The following YTHDF2 variants were observed in gnomAD, a reference collection of about 807,000 sequenced individuals.
YTHDF2 encodes the protein YTH N6-methyladenosine RNA binding protein F2.
Under a neutral mutation model 50.4 loss-of-function variants are expected in YTHDF2, and 2 were observed. The ratio of observed to expected loss-of-function variants is 0.04; its 90% CI spans 0.02 to 0.12. The LOEUF is 0.12. YTHDF2 is among the 10% of genes least tolerant of loss of function. The probability of loss-of-function intolerance (pLI) is 1.00; values close to 1 mark genes in which losing one functional copy is unlikely to be tolerated. For missense variants in YTHDF2, 483 were observed against 722.6 expected, an observed-to-expected ratio of 0.67 and a Z score of 3.80; for synonymous variants, 217 against 255.6, an observed-to-expected ratio of 0.85 and a Z score of 1.44.
intron 4 of YTHDF2, among the ~76,000 whole-genome samples, chr1:28,766,356 A>G (rs999232155): frequency 2.0e-5 from 3 of 152,082 alleles, no homozygotes; most frequent in Admixed American, 6.6e-5. Flanking sequence ...TGCTCAAGCT[A>G]TCTGCCAGCT....
chr1:28,750,560 A>AT (rs2087935710), intron 4 of YTHDF2, among the ~76,000 whole-genome samples: 1 of 152,134 alleles, frequency 6.6e-6, no homozygotes, highest in Non-Finnish European at 1.5e-5. Context: ...GTGAAGATGA[A>AT]TTTGTCCTTT....
chr1:28,747,584 ACTCTGTCGC>A (rs1224715093), intron 4 of YTHDF2, among the ~76,000 whole-genome samples: 4 of 137,710 alleles, frequency 2.9e-5, no homozygotes, highest in African/African-American at 1.1e-4. Flanking sequence ...GACGAATCTC[ACTCTGTCGC>A]CCAGGCTGGA....
In YTHDF2 at chr1:28,742,669, A is replaced by G. The variant is rs371160991; in HGVS notation, c.399A>G (p.Ala133=). 44 of 1,614,048 alleles carry G rather than the reference A, an allele frequency of 2.7e-5. No individual in the cohort carries two copies. Among genetic ancestry groups the G allele is most frequent in the Non-Finnish European group, 3.6e-5 (43 of 1,180,036 alleles). ...TTCCCAGTGGGATTGACTTCTCAGC[A>G]TGGGGAAATAACAGTTCTCAGGGAC... is the stretch of plus-strand genomic sequence containing the variant. ...NFFPSGIDFS[A]WGNNSSQGQS... Residue 133 remains alanine (A), a synonymous_variant, in exon 4 of 5, where the codon GCA becomes GCG. Coordinates refer to ENST00000373812, the MANE Select transcript of YTHDF2 (RefSeq NM_016258.3).
chr1:28,745,155 C>T (rs908530935), intron 4 of YTHDF2, among the ~76,000 whole-genome samples: 3 of 152,146 alleles, frequency 2.0e-5, no homozygotes, highest in African/African-American at 7.2e-5. Context: ...GATCTAGGAT[C>T]TGAGGCATTG....
At chr1:28,767,759 C>T (rs1200631989) in intron 4 of YTHDF2, among the ~76,000 whole-genome samples, 6 of 149,932 alleles carry the variant, frequency 4.0e-5, no homozygotes, top group African/African-American at 7.3e-5. Context: ...CCGCCCGCCT[C>T]GGCCTCCCAA....
At chr1:28,753,701 A>G (rs950668628) in intron 4 of YTHDF2, among the ~76,000 whole-genome samples, 1 of 144,846 alleles carries the variant, frequency 6.9e-6, no homozygotes. Flanking sequence ...TCAGGATTTT[A>G]TTCTTTTTTT....
upstream of YTHDF2, chr1:28,736,814 G>A (rs978893449): frequency 4.7e-5 from 18 of 379,230 alleles, no homozygotes; most frequent in Non-Finnish European, 7.2e-5. Flanking sequence ...GCGTGGGTGA[G>A]TGAATGTGAG....
At chr1:28,750,727 A>G (rs1268867841) in intron 4 of YTHDF2, among the ~76,000 whole-genome samples, 1 of 152,146 alleles carries the variant, frequency 6.6e-6, no homozygotes, top group Non-Finnish European at 1.5e-5. Flanking sequence ...GTATGTGGGT[A>G]GTTTTTAAAT....
rs1043137009 is a variant in YTHDF2 at position 28,764,758 on chromosome 1, G to A, written c.1717-4171G>A. On this transcript the variant is annotated intron_variant, in intron 4 of 4. Coordinates refer to ENST00000373812, the MANE Select transcript of YTHDF2 (RefSeq NM_016258.3). ...GGGTTTTGCCATGTTGGCCATGCTG[G>A]TCTCGAACTCCTGACCTCAGGTGAT... Among the ~76,000 whole-genome samples, 3 of 151,976 alleles carry A rather than the reference G, an allele frequency of 2.0e-5. No individual in the cohort carries two copies. In the East Asian group the frequency reaches 5.8e-4, roughly 29 times the overall value.
At chr1:28,746,476 A>G (rs942923694) in intron 4 of YTHDF2, among the ~76,000 whole-genome samples, 174 of 152,098 alleles carry the variant, frequency 1.1e-3, no homozygotes, top group African/African-American at 4.1e-3. Flanking sequence ...CAGGTGGCTC[A>G]TGCTTGTAAT....
intron 4 of YTHDF2, among the ~76,000 whole-genome samples, chr1:28,753,704 C>CTTTT (rs550956079): frequency 1.5e-5 from 2 of 132,514 alleles, no homozygotes; most frequent in African/African-American, 5.5e-5. Context: ...GGATTTTATT[C>CTTTT]TTTTTTTTTT....
At chr1:28,763,526 G>A (rs539449106) in intron 4 of YTHDF2, among the ~76,000 whole-genome samples, 3 of 152,258 alleles carry the variant, frequency 2.0e-5, no homozygotes, top group Admixed American at 1.3e-4. Flanking sequence ...TGCGATCTCA[G>A]CTCAGTGCAA....
intron 4 of YTHDF2, among the ~76,000 whole-genome samples, chr1:28,763,540 C>T (rs2088165732): frequency 6.6e-6 from 1 of 152,170 alleles, no homozygotes; most frequent in African/African-American, 2.4e-5. Flanking sequence ...AGTGCAACCT[C>T]CACCACCCAG....
intron 4 of YTHDF2, among the ~76,000 whole-genome samples, chr1:28,760,258 A>G (rs1250954173): frequency 6.6e-6 from 1 of 151,210 alleles, no homozygotes; most frequent in East Asian, 2.0e-4. Flanking sequence ...ATATAAGCCA[A>G]TAACATAGTA....
upstream of YTHDF2, chr1:28,736,859 C>G (rs917188034): frequency 1.2e-4 from 49 of 412,226 alleles, no homozygotes; most frequent in Non-Finnish European, 1.8e-4. Context: ...CGCCCGCCTC[C>G]GCTGTTCGGC....
At chr1:28,741,219 A>C (rs796788274) in intron 3 of YTHDF2, among the ~76,000 whole-genome samples, 4 of 151,568 alleles carry the variant, frequency 2.6e-5, no homozygotes, top group African/African-American at 9.7e-5. Flanking sequence ...GCTGGTCTCC[A>C]ACTCCTGGCC....
chr1:28,743,557 T>C lies in YTHDF2; in HGVS notation c.1287T>C (p.Tyr429=), dbSNP rs2087811671. Residue 429 remains tyrosine (Y), a synonymous_variant, in exon 4 of 5, where the codon TAT becomes TAC. Transcript: ENST00000373812. This position sits in a 1 kb window ranked among gnomAD's most constrained non-coding sequence, Gnocchi z 6.9. ...SEDDIHRSIK[Y]NIWCSTEHGN... is the part of the protein sequence containing the mutation. ...ACGATATTCACCGTTCCATTAAGTA[T>C]AATATTTGGTGCAGCACAGAGCATG... 1 of 1,614,044 alleles carries C rather than the reference T, an allele frequency of 6.2e-7. No individual in the cohort carries two copies. The highest frequency in any genetic ancestry group is 1.1e-5 in the South Asian group (1 of 91,084).
chr1:28,757,145 T>G (rs1245304108), intron 4 of YTHDF2, among the ~76,000 whole-genome samples: 1 of 152,246 alleles, frequency 6.6e-6, no homozygotes, highest in African/African-American at 2.4e-5. Flanking sequence ...TTGAACTGAT[T>G]TAACTCCAGT....
At position 28,742,706 on chromosome 1, in the gene YTHDF2, A is replaced by C; in HGVS notation, c.436A>C (p.Ser146Arg). The change falls in exon 4 of 5, where the codon AGC becomes CGC. Residue 146 changes from serine to arginine, a missense_variant. Ser to Arg is a moderately radical substitution (Grantham distance 110). This residue lies in a region of YTHDF2 where 385 missense variants were observed against 475.8 expected (regional missense o/e 0.81). Coordinates refer to ENST00000373812, the MANE Select transcript of YTHDF2 (RefSeq NM_016258.3). ...NNSSQGQSTQ[S>R]SGYSSNYAYA... ...CAGTTCTCAGGGACAGTCTACTCAG[A>C]GCTCTGGATATAGTAGCAATTATGC... The C allele has an allele frequency of 1.9e-6, 3 of 1,614,150 alleles. No homozygotes were observed. Among genetic ancestry groups the C allele is most frequent in the Non-Finnish European group, 2.5e-6 (3 of 1,180,034 alleles).
Sources: allele counts gnomAD v4.1 joint callset (sites outside exome capture counted in the v4.1 genomes callset), GRCh38; gene constraint gnomAD v4.1.1; regional missense constraint gnomAD v4.1.1; non-coding constraint Gnocchi (gnomAD v3.1); transcripts MANE v1.5; gene names NCBI Gene and HGNC (gene_info 2026-07-23, HGNC 2026-07-21).